Variants in SESN3 observed in about 807,000 individuals in gnomAD.
The protein encoded by SESN3 is sestrin 3, also known as sestrin-3.
Under a neutral mutation model 55.3 loss-of-function variants are expected in SESN3, and 21 were observed. That is an observed-to-expected ratio of 0.38 (90% confidence interval 0.27 to 0.55). The LOEUF is 0.55. Among genes scored for constraint, SESN3 ranks in the 20% least tolerant of loss-of-function variants. The pLI is 0.76. For missense variants in SESN3, 408 were observed against 604.3 expected (o/e 0.68, Z 3.41); for synonymous variants, 181 against 203.1 (o/e 0.89, Z 0.93).
At chr11:95,191,639 GAC>G in intron 2 of SESN3, 38 bp from the exon 3 acceptor site, 1 of 1,514,220 alleles carries the variant, frequency 6.6e-7, no homozygotes, top group Non-Finnish European at 9.2e-7. Context: ...TGACTATTGA[GAC>G]ATAAACACAC....
At chr11:95,177,685 G>T in intron 8 of SESN3, 34 bp downstream of exon 8, 1 of 1,523,176 alleles carries the variant, frequency 6.6e-7, no homozygotes, top group South Asian at 1.2e-5. Context: ...TTTTCACTTA[G>T]AAATGTAAAA....
intron 2 of SESN3, 54 bp downstream of exon 2, chr11:95,193,403 C>T: frequency 1.9e-6 from 2 of 1,033,728 alleles, no homozygotes; most frequent in Non-Finnish European, 3.0e-6. Flanking sequence ...TTCTTTGATA[C>T]AGTTAAGTTA....
intron 1 of SESN3, among the ~76,000 whole-genome samples, chr11:95,218,019 C>T (rs1860791463): frequency 6.6e-6 from 1 of 152,224 alleles, no homozygotes; most frequent in South Asian, 2.1e-4. Context: ...AACACCAACA[C>T]TCACATATTC....
chr11:95,230,785 T>G lies in SESN3; in HGVS notation c.76A>C (p.Lys26Gln). The G allele has an allele frequency of 6.3e-7, 1 of 1,597,290 alleles. No homozygotes were observed. The highest frequency in any genetic ancestry group is 8.5e-7 in the Non-Finnish European group (1 of 1,171,560). The change falls in exon 1 of 10, where the codon AAG becomes CAG. Residue 26 changes from lysine to glutamine, a missense_variant and splice_region_variant. Transcript: ENST00000536441. This position sits in a 1 kb window ranked among gnomAD's most constrained non-coding sequence, Gnocchi z 4.6. ...LCTNCRKVLRKDKRIRVSQPL... is the reference protein window; with the variant it reads ...LCTNCRKVLRQDKRIRVSQPL... ...AGGACCCCGGGCCGAACCCGTACCT[T>G]CCGCAGCACTTTCCGGCAGTTGGTA...
At chr11:95,181,995 T>C (rs1860067087) in intron 6 of SESN3, among the ~76,000 whole-genome samples, 1 of 152,096 alleles carries the variant, frequency 6.6e-6, no homozygotes, top group Non-Finnish European at 1.5e-5. Flanking sequence ...GAGGGGTATA[T>C]GTATGTATAC....
In SESN3 at chr11:95,230,801, G is replaced by A. The variant is rs1419724249; in HGVS notation, c.60C>T (p.Cys20=). 2 of 1,606,704 alleles carry A rather than the reference G, an allele frequency of 1.2e-6. No homozygotes were observed. The highest frequency in any genetic ancestry group is 8.5e-7 in the Non-Finnish European group (1 of 1,177,392). Residue 20 remains cysteine (C), a synonymous_variant, in exon 1 of 10, where the codon TGC becomes TGT. Coordinates refer to ENST00000536441, the MANE Select transcript of SESN3 (RefSeq NM_144665.4). This position sits in a 1 kb window ranked among gnomAD's most constrained non-coding sequence, Gnocchi z 4.6. Reference sequence around the variant, plus strand: ...CCCGTACCTTCCGCAGCACTTTCCGGCAGTTGGTACAGAGCAGGTAGTTGG... The same window carrying A: ...CCCGTACCTTCCGCAGCACTTTCCGACAGTTGGTACAGAGCAGGTAGTTGG... The part of the protein sequence containing the change: ...AAANYLLCTN[C]RKVLRKDKRI...
intron 1 of SESN3, among the ~76,000 whole-genome samples, chr11:95,214,255 A>T (rs1860710956): frequency 6.6e-6 from 1 of 152,244 alleles, no homozygotes; most frequent in Non-Finnish European, 1.5e-5. Flanking sequence ...CTTTGGAATT[A>T]AAGTGGGGTA....
At position 95,200,657 on chromosome 11, in the gene SESN3, C is replaced by T. The variant is rs186344126; in HGVS notation, c.79-7135G>A. Among the ~76,000 whole-genome samples, 218 of 152,040 alleles carry T rather than the reference C, an allele frequency of 1.4e-3. 2 individuals carry two copies. Among genetic ancestry groups the T allele is most frequent in the African/African-American group, 4.9e-3 (202 of 41,484 alleles). ...TTCATAATGGGGAATCTCATCTAAT[C>T]CTAAGGGCCTGAGACTTTAAGAGTG... On this transcript the variant is annotated intron_variant, in intron 1 of 9. Transcript: ENST00000536441.
chr11:95,176,637 T>C (rs759564084), intron 8 of SESN3, among the ~76,000 whole-genome samples: 2 of 152,220 alleles, frequency 1.3e-5, no homozygotes, highest in African/African-American at 2.4e-5. Flanking sequence ...TTCAGTTAAT[T>C]TTTAACCCAT....
At chr11:95,190,082 C>T in intron 3 of SESN3, 121 bp from the exon 4 acceptor site, 1 of 668,292 alleles carries the variant, frequency 1.5e-6, no homozygotes, top group Non-Finnish European at 2.4e-6. Flanking sequence ...TCTTTTCTTA[C>T]AGAATCCTTT....
intron 6 of SESN3, among the ~76,000 whole-genome samples, chr11:95,183,355 GATC>G (rs1168324436): frequency 6.6e-6 from 1 of 152,064 alleles, no homozygotes; most frequent in African/African-American, 2.4e-5. Flanking sequence ...TCATAAAAAA[GATC>G]ATCAGGAGAA....
upstream of SESN3, chr11:95,231,452 G>T: frequency 3.6e-6 from 1 of 277,590 alleles, no homozygotes; most frequent in Non-Finnish European, 6.7e-6. Flanking sequence ...TAGGGTAGCA[G>T]GGAACAGTTT....
rs532256669 is a variant in SESN3, at chr11:95,213,395, A to T, written c.78+17388T>A. On this transcript the variant is annotated intron_variant, in intron 1 of 9. Transcript: ENST00000536441. ...TAGTCAAGGGGCAAACAACTTTACA[A>T]AGGAAAAAGACAAAGTAAGATTACC... Among the ~76,000 whole-genome samples the T allele has an allele frequency of 3.3e-5, 5 of 152,328 alleles. No homozygotes were observed. The East Asian group carries it at 5.8e-4, about 18-fold the overall frequency.
chr11:95,202,779 C>T (rs1221184181), intron 1 of SESN3, among the ~76,000 whole-genome samples: 2 of 151,944 alleles, frequency 1.3e-5, no homozygotes, highest in Non-Finnish European at 2.9e-5. Flanking sequence ...AGACAATATG[C>T]TTTTCTACCA....
At chr11:95,212,622 T>G (rs1458675520) in intron 1 of SESN3, among the ~76,000 whole-genome samples, 1 of 152,180 alleles carries the variant, frequency 6.6e-6, no homozygotes, top group Non-Finnish European at 1.5e-5. Flanking sequence ...CTTGAATTCA[T>G]AATTAAGGAA....
At position 95,230,551 on chromosome 11, in the gene SESN3, A is replaced by C; in HGVS notation, c.78+232T>G. The C allele has an allele frequency of 1.9e-6, 1 of 513,106 alleles. No individual in the cohort carries two copies. The highest frequency in any genetic ancestry group is 3.8e-5 in the East Asian group (1 of 26,098). 31.8% of individuals were successfully genotyped at this position (513,106 alleles called of 1,614,324 possible). On this transcript the variant is annotated intron_variant, in intron 1 of 9. Coordinates refer to ENST00000536441, the MANE Select transcript of SESN3 (RefSeq NM_144665.4). This position sits in a 1 kb window ranked among gnomAD's most constrained non-coding sequence, Gnocchi z 4.6. ...GGCACCAAATAAAAGGAACAAGGGA[A>C]GAAAAAATATCCCAACCCCTCCAGA...
At chr11:95,211,214 C>A (rs1860648607) in intron 1 of SESN3, among the ~76,000 whole-genome samples, 1 of 152,174 alleles carries the variant, frequency 6.6e-6, no homozygotes, top group Non-Finnish European at 1.5e-5. Flanking sequence ...CTCTCACTGC[C>A]CCTCGTTGTT....
At chr11:95,205,040 G>C (rs1021724904) in intron 1 of SESN3, among the ~76,000 whole-genome samples, 1 of 152,102 alleles carries the variant, frequency 6.6e-6, no homozygotes, top group Non-Finnish European at 1.5e-5. Context: ...GATAAATCTT[G>C]GGAAGGAGCA....
chr11:95,189,980 A>AAT lies in SESN3; in HGVS notation c.343-21_343-20dup. On this transcript the variant is annotated intron_variant, in intron 3 of 9. Coordinates refer to ENST00000536441, the MANE Select transcript of SESN3 (RefSeq NM_144665.4). Reference sequence around the variant, plus strand: ...CTGCAGCCTAAAGCACAAAGAAAAAAATTCATTGATAAAAGAATCACAGTA... The same window carrying AAT: ...CTGCAGCCTAAAGCACAAAGAAAAAAATATTCATTGATAAAAGAATCACAGTA... 1 of 1,561,990 alleles carries AAT rather than the reference A, an allele frequency of 6.4e-7. No homozygotes were observed. Among genetic ancestry groups the AAT allele is most frequent in the Non-Finnish European group, 8.7e-7 (1 of 1,155,012 alleles).
Sources: allele counts gnomAD v4.1 joint callset (sites outside exome capture counted in the v4.1 genomes callset), GRCh38; gene constraint gnomAD v4.1.1; non-coding constraint Gnocchi (gnomAD v3.1); transcripts MANE v1.5; gene names NCBI Gene and HGNC (gene_info 2026-07-23, HGNC 2026-07-21).